Variants in PHAF1 observed in about 807,000 individuals in gnomAD.
PHAF1 encodes the protein phagophore assembly factor 1, also known as phagosome assembly factor 1.
A neutral mutation model predicts 63.1 loss-of-function variants in PHAF1; 23 were observed. That is an observed-to-expected ratio of 0.36 (90% confidence interval 0.26 to 0.52). The LOEUF (loss-of-function observed/expected upper bound fraction) is 0.52, where lower values mean the gene tolerates loss of function less well. Ranked by LOEUF, PHAF1 falls within the 20% of genes least tolerant of loss-of-function variation. PHAF1 has a pLI of 0.93. For missense variants in PHAF1, 427 were observed against 517.2 expected (o/e 0.83, Z 1.69); for synonymous variants, 167 against 185.0 (o/e 0.90, Z 0.79).
intron 8 of PHAF1, among the ~76,000 whole-genome samples, chr16:67,138,279 G>C (rs1963681260): frequency 6.6e-6 from 1 of 152,140 alleles, no homozygotes; most frequent in Non-Finnish European, 1.5e-5. Context: ...CCCAAGGCTT[G>C]CCTAAGCCTT....
At chr16:67,120,060 G>T in intron 1 of PHAF1, 52 bp from the exon 2 acceptor site, 1 of 1,521,344 alleles carries the variant, frequency 6.6e-7, no homozygotes, top group African/African-American at 1.4e-5. Context: ...AGTGGTAGAT[G>T]TCAATAGATG....
At position 67,110,101 on chromosome 16, in the gene PHAF1, G is replaced by T. The variant is rs1455183628; in HGVS notation, c.-75G>T. The T allele has an allele frequency of 6.7e-6, 10 of 1,485,804 alleles. No homozygotes were observed. The highest frequency in any genetic ancestry group is 2.1e-5 in the Admixed American group (1 of 47,066). The allele number at this position is 1,485,804 out of a possible 1,614,324, so 92.0% of individuals were successfully genotyped here. The stretch of plus-strand genomic sequence containing the variant: ...GGCCGGCGGGGGCGGCCTGTCAGCC[G>T]CTGCTTTGTCTCCTTAGCTCGGGTC... On this transcript the variant is annotated 5_prime_UTR_variant, in exon 1 of 16. Coordinates refer to ENST00000219139, the MANE Select transcript of PHAF1 (RefSeq NM_025187.5).
chr16:67,131,445 C>T (rs917863655), intron 4 of PHAF1, 116 bp downstream of exon 4: 16 of 754,162 alleles, frequency 2.1e-5, no homozygotes, highest in Non-Finnish European at 3.2e-5. Context: ...TAGCCTGGTG[C>T]CATGAATTCC....
intron 11 of PHAF1, 94 bp downstream of exon 11, chr16:67,144,470 A>G: frequency 1.2e-6 from 1 of 867,616 alleles, no homozygotes; most frequent in South Asian, 1.5e-5. Context: ...TCACTAATTT[A>G]TCTACACCTG....
At chr16:67,123,796 C>A (rs1963080834) in intron 2 of PHAF1, among the ~76,000 whole-genome samples, 1 of 152,146 alleles carries the variant, frequency 6.6e-6, no homozygotes, top group Non-Finnish European at 1.5e-5. Flanking sequence ...ATGCAGAAAA[C>A]ATTTTGTCTG....
chr16:67,111,755 C>CT (rs1567635114), intron 1 of PHAF1, among the ~76,000 whole-genome samples: 1 of 152,130 alleles, frequency 6.6e-6, no homozygotes, highest in Non-Finnish European at 1.5e-5. Flanking sequence ...CTACTAGTAG[C>CT]TGGGATTACA....
Position 67,145,572 on chromosome 16 carries a change from G to A in PHAF1, c.1053G>A (p.Trp351Ter). Residue 351 changes from tryptophan (W) to a stop codon, truncating the protein, a stop_gained and splice_region_variant, in exon 14 of 16, where the codon TGG becomes TGA. Coordinates refer to ENST00000219139, the MANE Select transcript of PHAF1 (RefSeq NM_025187.5). LOFTEE classifies it high-confidence loss of function. The stretch of plus-strand genomic sequence containing the variant: ...GCTCCCCTCTATCCCTCTTGCAGTG[G>A]GACAACATCCAGGAGCTCCTGGGCC... ...QTETCTTYSKWDNIQELLGHP... is the reference protein window; with the variant it reads ...QTETCTTYSK 6.2e-7 allele frequency: 1 copy of A among 1,614,038 alleles called. No homozygotes were observed. Among genetic ancestry groups the A allele is most frequent in the Non-Finnish European group, 8.5e-7 (1 of 1,179,978 alleles).
rs547811054 is a variant in PHAF1, at chr16:67,113,738, C to T, written c.64+3499C>T. ...TGCTGGGATTACAGGCGTGAGCCAC[C>T]GCACCCAGCCTCTTTTTTTTTTTTT... is the stretch of plus-strand genomic sequence containing the variant. On this transcript the variant is annotated intron_variant, in intron 1 of 15. Transcript: ENST00000219139. 1.0e-4 allele frequency among the ~76,000 whole-genome samples: 15 copies of T among 146,712 alleles called. No individual in the cohort carries two copies. In the South Asian group the frequency reaches 1.7e-3, roughly 17 times the overall value.
At chr16:67,120,569 C>G (rs1187976994) in intron 2 of PHAF1, among the ~76,000 whole-genome samples, 1 of 150,456 alleles carries the variant, frequency 6.6e-6, no homozygotes, top group Non-Finnish European at 1.5e-5. Flanking sequence ...AGTTTGTGTT[C>G]AGGATTTTTG....
intron 3 of PHAF1, among the ~76,000 whole-genome samples, chr16:67,129,017 G>T (rs984661609): frequency 6.6e-6 from 1 of 152,222 alleles, no homozygotes; most frequent in Non-Finnish European, 1.5e-5. Context: ...AGAAGTGAGG[G>T]AGGTGAGTGC....
At chr16:67,112,000 A>G (rs1962537016) in intron 1 of PHAF1, among the ~76,000 whole-genome samples, 1 of 152,146 alleles carries the variant, frequency 6.6e-6, no homozygotes, top group East Asian at 1.9e-4. Flanking sequence ...TTTCCAAAAT[A>G]TTAGCTGGTA....
chr16:67,122,570 C>CA (rs912852837), intron 2 of PHAF1, among the ~76,000 whole-genome samples: 2,110 of 84,064 alleles, frequency 0.025, 23 homozygotes, highest in East Asian at 0.042. Context: ...GACCCTGTCT[C>CA]AAAAAAAAAA....
chr16:67,131,464 C>T, intron 4 of PHAF1, 135 bp downstream of exon 4: 1 of 635,954 alleles, frequency 1.6e-6, no homozygotes. Context: ...CCTGAGGCAA[C>T]CTTCAAGCCT....
Position 67,132,897 on chromosome 16 carries a change from G to A in PHAF1, c.436G>A (p.Ala146Thr). 6.2e-7 allele frequency: 1 copy of A among 1,610,134 alleles called. No homozygotes were observed. The highest frequency in any genetic ancestry group is 8.5e-7 in the Non-Finnish European group (1 of 1,176,382). ...FSFQLDSWTE[A>T]PKYEPNFAHG... ...TTTTCAGTTAGACTCATGGACTGAGGCTCCAAAGTATGAGGTTAGCCCTTC... is the reference window on the plus strand; with the variant it reads ...TTTTCAGTTAGACTCATGGACTGAGACTCCAAAGTATGAGGTTAGCCCTTC... Residue 146 changes from alanine (A) to threonine (T), a missense_variant, in exon 6 of 16, where the codon GCT becomes ACT. By Grantham distance (58) the Ala-to-Thr change is moderately conservative. Transcript: ENST00000219139.
rs201249313 is a variant in PHAF1, at chr16:67,134,390, A to G, written c.584A>G (p.Asn195Ser). The G allele has an allele frequency of 1.9e-5, 30 of 1,614,010 alleles. No homozygotes were observed. The highest frequency in any genetic ancestry group is 1.6e-4 in the Middle Eastern group (1 of 6,084). The change falls in exon 8 of 16, where the codon AAT becomes AGT. Residue 195 changes from asparagine (N) to serine (S), a missense_variant. Physicochemically the swap from Asn to Ser is conservative, Grantham distance 46 (BLOSUM62 1). Coordinates refer to ENST00000219139, the MANE Select transcript of PHAF1 (RefSeq NM_025187.5). ...ATGCCTCTGAGCTGTTTCCTGGGCA[A>G]TGTCTATGCTGAGAGTGTAGATGTT... ...PMMPLSCFLGNVYAESVDVLR... is the reference protein window; with the variant it reads ...PMMPLSCFLGSVYAESVDVLR...
Position 67,146,234 on chromosome 16 carries a change from G to A in PHAF1, c.1110-44G>A, listed in dbSNP as rs150332881. The A allele has an allele frequency of 1.5e-4, 235 of 1,554,032 alleles. No homozygotes were observed. In the East Asian group the frequency reaches 4.8e-3, roughly 31 times the overall value. ...AGACTGGATCCCTTGCTTTAAGGCC[G>A]TGGCCTCTGTCTGCCTCTCTAATTC... On this transcript the variant is annotated intron_variant, in intron 14 of 15. Transcript: ENST00000219139.
chr16:67,146,435 G>A, intron 15 of PHAF1, 85 bp downstream of exon 15: 1 of 1,406,470 alleles, frequency 7.1e-7, no homozygotes, highest in Non-Finnish European at 1.0e-6. Context: ...GGAAATTGGG[G>A]AGGGCATCAC....
chr16:67,146,905 A>T (rs185419853), intron 15 of PHAF1, 140 bp from the exon 16 acceptor site: 1 of 763,656 alleles, frequency 1.3e-6, no homozygotes. Context: ...GGCCTTTAGC[A>T]TGAACCAGGG....
In PHAF1 at chr16:67,126,050, T is replaced by G; in HGVS notation, c.231+8T>G. 1 of 1,596,662 alleles carries G rather than the reference T, an allele frequency of 6.3e-7. No individual in the cohort carries two copies. The highest frequency in any genetic ancestry group is 2.2e-5 in the East Asian group (1 of 44,802). ...TTCAATCAGAGACTTAAGGTAACTA[T>G]AAATGACAACTAATGTTTCATGTCC... On this transcript the variant is annotated splice_region_variant and intron_variant, in intron 3 of 15. Coordinates refer to ENST00000219139, the MANE Select transcript of PHAF1 (RefSeq NM_025187.5).
Sources: gnomAD v4.1 joint callset for allele counts (sites outside exome capture counted in the v4.1 genomes callset) on GRCh38, gnomAD v4.1.1 for gene constraint, MANE v1.5 for transcripts, NCBI Gene and HGNC (gene_info 2026-07-23, HGNC 2026-07-21) for gene names.